Variants in GRID2 observed in about 807,000 individuals in gnomAD.
GRID2 encodes the protein glutamate ionotropic receptor delta type subunit 2.
GRID2 carries 33 observed loss-of-function variants against 114.8 expected under a neutral mutation model. The ratio of observed to expected loss-of-function variants is 0.29; its 90% CI spans 0.22 to 0.38. The LOEUF (loss-of-function observed/expected upper bound fraction) is 0.38. Among genes scored for constraint, GRID2 ranks in the 10% least tolerant of loss-of-function variants. GRID2 has a pLI of 1.00. For synonymous variants in GRID2, 505 were observed against 449.9 expected, an observed-to-expected ratio of 1.12 and a Z score of -1.55; for missense variants, 1,184 against 1,257.7, an observed-to-expected ratio of 0.94 and a Z score of 0.89.
intron 9 of GRID2, among the ~76,000 whole-genome samples, chr4:93,406,131 C>T (rs563269227): frequency 6.6e-6 from 1 of 152,188 alleles, no homozygotes; most frequent in African/African-American, 2.4e-5. Context: ...ATCTAATTTA[C>T]TCCCAGCCAT....
chr4:92,727,209 A>G (rs1451928460), intron 2 of GRID2, among the ~76,000 whole-genome samples: 1 of 152,120 alleles, frequency 6.6e-6, no homozygotes, highest in Non-Finnish European at 1.5e-5. Context: ...CTTTTAAACA[A>G]AAGTAAAAAA....
chr4:93,081,888 C>G (rs911488380), intron 2 of GRID2, among the ~76,000 whole-genome samples: 1 of 152,194 alleles, frequency 6.6e-6, no homozygotes, highest in African/African-American at 2.4e-5. Flanking sequence ...AAAAGGTAGT[C>G]TGCGTTGCTA....
chr4:92,775,607 T>C (rs886903674), intron 2 of GRID2, among the ~76,000 whole-genome samples: 8 of 152,182 alleles, frequency 5.3e-5, no homozygotes, highest in Non-Finnish European at 1.2e-4. Flanking sequence ...GGGCTCAGGA[T>C]ACTGCCATGC....
chr4:92,925,898 A>T (rs1028050840), intron 2 of GRID2, among the ~76,000 whole-genome samples: 1 of 152,010 alleles, frequency 6.6e-6, no homozygotes, highest in Admixed American at 6.6e-5. Flanking sequence ...GACAAGAGTT[A>T]GTTTTAGATG....
At chr4:93,761,991 T>G (rs1733252844) in intron 14 of GRID2, among the ~76,000 whole-genome samples, 1 of 152,214 alleles carries the variant, frequency 6.6e-6, no homozygotes, top group Non-Finnish European at 1.5e-5. Context: ...GAAGTGCTTC[T>G]GCTTCGATGC....
intron 8 of GRID2, among the ~76,000 whole-genome samples, chr4:93,343,641 A>G (rs1206073462): frequency 6.6e-6 from 1 of 151,668 alleles, no homozygotes; most frequent in African/African-American, 2.4e-5. Context: ...TATCTTTCTG[A>G]TGTCATTGAT....
intron 1 of GRID2, among the ~76,000 whole-genome samples, chr4:92,436,564 G>A (rs1381152382): frequency 6.6e-6 from 1 of 151,768 alleles, no homozygotes; most frequent in African/African-American, 2.4e-5. Flanking sequence ...GTATCATTTT[G>A]TTTTTCTAAC....
intron 2 of GRID2, among the ~76,000 whole-genome samples, chr4:92,636,743 C>T (rs1336017937): frequency 3.3e-5 from 5 of 151,980 alleles, no homozygotes; most frequent in African/African-American, 1.2e-4. Context: ...CCTGCCAACA[C>T]ACACAGATCC....
intron 4 of GRID2, among the ~76,000 whole-genome samples, chr4:93,185,284 C>T (rs1407089972): frequency 6.6e-6 from 1 of 152,074 alleles, no homozygotes. Context: ...TTGTCATTTG[C>T]TTTCTGTGAA....
intron 1 of GRID2, among the ~76,000 whole-genome samples, chr4:92,481,238 A>T (rs940971722): frequency 1.3e-5 from 2 of 152,064 alleles, no homozygotes; most frequent in Admixed American, 1.3e-4. Context: ...TAGGCTTCTA[A>T]TTTTTTCTGT....
chr4:92,798,911 G>A (rs1444148464), intron 2 of GRID2, among the ~76,000 whole-genome samples: 1 of 151,960 alleles, frequency 6.6e-6, no homozygotes, highest in African/African-American at 2.4e-5. Context: ...TAAAAATTAT[G>A]TAAGTGTATT....
chr4:93,281,677 T>A (rs13123280), intron 8 of GRID2, among the ~76,000 whole-genome samples: 2 of 151,718 alleles, frequency 1.3e-5, no homozygotes, highest in Non-Finnish European at 2.9e-5. Flanking sequence ...TATAGTTGGC[T>A]GAGTATTTTC....
chr4:92,803,876 T>C (rs1740288416), intron 2 of GRID2, among the ~76,000 whole-genome samples: 1 of 152,028 alleles, frequency 6.6e-6, no homozygotes. Flanking sequence ...GCAAGAAGTC[T>C]GAAATCAGGA....
chr4:92,830,957 T>C (rs1188589157), intron 2 of GRID2, among the ~76,000 whole-genome samples: 2 of 152,106 alleles, frequency 1.3e-5, no homozygotes, highest in African/African-American at 4.8e-5. Flanking sequence ...CAGGAGGAGA[T>C]AGAATGGTTA....
chr4:93,600,559 T>G (rs1739570276), intron 13 of GRID2, among the ~76,000 whole-genome samples: 1 of 152,110 alleles, frequency 6.6e-6, no homozygotes, highest in South Asian at 2.1e-4. Context: ...TTAGAAAGAC[T>G]AATAGCACCA....
At chr4:92,318,053 A>T (rs1423701707) in intron 1 of GRID2, among the ~76,000 whole-genome samples, 1 of 152,030 alleles carries the variant, frequency 6.6e-6, no homozygotes, top group Non-Finnish European at 1.5e-5. Context: ...CATTGTATAT[A>T]CCCTGTTGAC....
intron 1 of GRID2, among the ~76,000 whole-genome samples, chr4:92,575,388 G>A (rs77994836): frequency 0.011 from 1,623 of 152,224 alleles, 13 homozygotes; most frequent in Non-Finnish European, 0.017. Flanking sequence ...AGAGGAAAAG[G>A]GACACTCTGG....
At chr4:92,499,614 T>A (rs986499017) in intron 1 of GRID2, among the ~76,000 whole-genome samples, 1 of 152,174 alleles carries the variant, frequency 6.6e-6, no homozygotes, top group African/African-American at 2.4e-5. Context: ...TTTGTTTATT[T>A]ATTTATTTAT....
intron 13 of GRID2, among the ~76,000 whole-genome samples, chr4:93,533,283 TTCCTTCCTTCC>T (rs1731667219): frequency 1.4e-5 from 2 of 141,328 alleles, no homozygotes; most frequent in African/African-American, 2.7e-5. Flanking sequence ...CCTTCCTTCC[TTCCTTCCTTCC>T]TTCCTTCCTT....
Sources: allele counts gnomAD v4.1 joint callset (sites outside exome capture counted in the v4.1 genomes callset), GRCh38; gene constraint gnomAD v4.1.1; transcripts MANE v1.5; gene names NCBI Gene and HGNC (gene_info 2026-07-23, HGNC 2026-07-21).